The following SGK3 variants were observed in gnomAD, a reference collection of about 807,000 sequenced individuals.
The protein encoded by SGK3 is serine/threonine-protein kinase Sgk3.
A neutral mutation model predicts 68.5 loss-of-function variants in SGK3; 47 were observed. The ratio of observed to expected loss-of-function variants is 0.69; its 90% CI spans 0.54 to 0.87. The LOEUF (loss-of-function observed/expected upper bound fraction) is 0.87. SGK3 is among the 40% of genes least tolerant of loss of function. The pLI is 0.00. For missense variants in SGK3, 479 were observed against 575.5 expected (o/e 0.83, Z 1.72); for synonymous variants, 181 against 189.1 (o/e 0.96, Z 0.35).
intron 10 of SGK3, among the ~76,000 whole-genome samples, chr8:66,839,530 T>G (rs1278722557): frequency 1.4e-5 from 1 of 73,980 alleles, no homozygotes; most frequent in African/African-American, 5.5e-5. Flanking sequence ...TATATATATA[T>G]ATATATATAT....
At chr8:66,829,168 TA>T (rs1809196313) in intron 7 of SGK3, among the ~76,000 whole-genome samples, 1 of 152,174 alleles carries the variant, frequency 6.6e-6, no homozygotes, top group African/African-American at 2.4e-5. Flanking sequence ...ATTAGCATAT[TA>T]AAGGCTATTA....
At chr8:66,848,986 C>T (rs982797730) in intron 15 of SGK3, among the ~76,000 whole-genome samples, 1 of 152,188 alleles carries the variant, frequency 6.6e-6, no homozygotes, top group East Asian at 1.9e-4. Flanking sequence ...TGCAAGAGCA[C>T]ACGTGCGTCT....
At chr8:66,852,544 G>A (rs1427180940) in intron 16 of SGK3, among the ~76,000 whole-genome samples, 1 of 152,146 alleles carries the variant, frequency 6.6e-6, no homozygotes, top group East Asian at 1.9e-4. Context: ...CTCCCAGAGT[G>A]CTGGGATTAC....
intron 1 of SGK3, among the ~76,000 whole-genome samples, chr8:66,774,735 G>T (rs1806625794): frequency 6.6e-6 from 1 of 152,142 alleles, no homozygotes; most frequent in Non-Finnish European, 1.5e-5. Flanking sequence ...AGTAAAGGAT[G>T]TGTGGTGGAG....
At chr8:66,842,416 T>G (rs987022099) in intron 13 of SGK3, among the ~76,000 whole-genome samples, 4 of 152,128 alleles carry the variant, frequency 2.6e-5, no homozygotes, top group Non-Finnish European at 5.9e-5. Flanking sequence ...GAGACGGGGT[T>G]TCACCGTGTT....
At chr8:66,744,819 T>G (rs1218117845) in intron 1 of SGK3, among the ~76,000 whole-genome samples, 2 of 150,348 alleles carry the variant, frequency 1.3e-5, no homozygotes, top group African/African-American at 4.9e-5. Flanking sequence ...TTTTTTTTTC[T>G]AGATTTTTGA....
intron 5 of SGK3, among the ~76,000 whole-genome samples, chr8:66,816,652 C>G (rs188232608): frequency 6.6e-5 from 10 of 151,364 alleles, no homozygotes; most frequent in African/African-American, 1.9e-4. Context: ...CCAACATTTC[C>G]TATTTTCTAG....
At chr8:66,791,974 CTT>C (rs1807475771) in intron 1 of SGK3, among the ~76,000 whole-genome samples, 1 of 152,160 alleles carries the variant, frequency 6.6e-6, no homozygotes, top group African/African-American at 2.4e-5. Flanking sequence ...ATGTTGTACT[CTT>C]TGTTGAGGAG....
At chr8:66,833,002 A>T (rs1809365923) in intron 8 of SGK3, among the ~76,000 whole-genome samples, 1 of 148,142 alleles carries the variant, frequency 6.8e-6, no homozygotes. Flanking sequence ...CTGTTTTTAG[A>T]ATTTTTTTTT....
chr8:66,778,551 TC>T (rs1430269295), intron 1 of SGK3, among the ~76,000 whole-genome samples: 2 of 152,224 alleles, frequency 1.3e-5, no homozygotes, highest in Non-Finnish European at 2.9e-5. Context: ...CGCCTCGGCC[TC>T]CCCAAGTGCC....
At chr8:66,742,529 G>T (rs1003269803) in intron 1 of SGK3, among the ~76,000 whole-genome samples, 1 of 152,044 alleles carries the variant, frequency 6.6e-6, no homozygotes, top group Non-Finnish European at 1.5e-5. Flanking sequence ...ACCATGTCTG[G>T]CTGATTTTGA....
At chr8:66,773,045 T>G (rs560911309) in intron 1 of SGK3, among the ~76,000 whole-genome samples, 40 of 152,336 alleles carry the variant, frequency 2.6e-4, no homozygotes, top group African/African-American at 9.1e-4. Context: ...TGGGCTACTG[T>G]AGTCAAGACC....
At position 66,754,106 on chromosome 8, in the gene SGK3, C is replaced by T. The variant is rs552975629; in HGVS notation, c.-121-39510C>T. 2.0e-5 allele frequency among the ~76,000 whole-genome samples: 3 copies of T among 152,192 alleles called. No individual in the cohort carries two copies. The South Asian group carries it at 6.2e-4, about 32-fold the overall frequency. Reference sequence around the variant, plus strand: ...CAGCATGGGAGAAAACTTTAGAGGCCTGGAGGTGGGACTCACATAAGCTTC... The same window carrying T: ...CAGCATGGGAGAAAACTTTAGAGGCTTGGAGGTGGGACTCACATAAGCTTC... On this transcript the variant is annotated intron_variant, in intron 1 of 16. Coordinates refer to ENST00000521198, the MANE Select transcript of SGK3 (RefSeq NM_001033578.3).
intron 1 of SGK3, among the ~76,000 whole-genome samples, chr8:66,717,482 C>T (rs113442593): frequency 3.9e-5 from 6 of 151,986 alleles, no homozygotes; most frequent in Non-Finnish European, 5.9e-5. Context: ...TGAGCGAGAT[C>T]GCACCACTGT....
At chr8:66,741,321 G>T (rs1435650912) in intron 1 of SGK3, among the ~76,000 whole-genome samples, 3 of 152,100 alleles carry the variant, frequency 2.0e-5, no homozygotes, top group African/African-American at 7.2e-5. Context: ...AGGCCTAGGT[G>T]GGCGGATCAT....
In SGK3 at chr8:66,860,130, CAATTGGA is replaced by C. The variant is rs1810696943; in HGVS notation, c.*551_*557del. 6.6e-6 allele frequency: 1 copy of C among 152,580 alleles called. No individual in the cohort carries two copies. Among genetic ancestry groups the C allele is most frequent in the Non-Finnish European group, 1.5e-5 (1 of 68,104 alleles). The allele number at this position is 152,580 out of a possible 1,614,324, so 9.5% of individuals were successfully genotyped here. Reference sequence around the variant, plus strand: ...AATTAACACATTGGCTGCTAGTTAACAATTGGAATAACTTTATTCTGCAGATCATTTA... The same window carrying C: ...AATTAACACATTGGCTGCTAGTTAACATAACTTTATTCTGCAGATCATTTA... On this transcript the variant is annotated 3_prime_UTR_variant, in exon 17 of 17. Transcript: ENST00000521198.
chr8:66,827,009 A>G (rs571801140), intron 6 of SGK3, among the ~76,000 whole-genome samples: 14 of 152,170 alleles, frequency 9.2e-5, no homozygotes, highest in Non-Finnish European at 1.9e-4. Context: ...AATAGTTTAT[A>G]TTCTAGATAT....
intron 2 of SGK3, among the ~76,000 whole-genome samples, chr8:66,794,144 C>T (rs1277449703): frequency 2.0e-5 from 3 of 152,214 alleles, no homozygotes; most frequent in African/African-American, 7.2e-5. Context: ...TGTGCACTGT[C>T]AGGAATTAAT....
At chr8:66,815,106 A>G (rs999025093) in intron 5 of SGK3, among the ~76,000 whole-genome samples, 2 of 152,356 alleles carry the variant, frequency 1.3e-5, no homozygotes, top group East Asian at 1.9e-4. Flanking sequence ...TGTTCTAAAA[A>G]TGATGATTAC....
Sources: allele counts gnomAD v4.1 joint callset (sites outside exome capture counted in the v4.1 genomes callset), GRCh38; gene constraint gnomAD v4.1.1; transcripts MANE v1.5; gene names NCBI Gene and HGNC (gene_info 2026-07-23, HGNC 2026-07-21).